Variants in STPG2 observed in about 807,000 individuals in gnomAD.
The protein encoded by STPG2 is sperm tail PG-rich repeat containing 2.
In STPG2, 56 loss-of-function variants were observed where a neutral mutation model predicts 54.2. The observed-to-expected ratio is 1.03, with a 90% CI of 0.83 to 1.29. The LOEUF (loss-of-function observed/expected upper bound fraction) is 1.29, where lower values mean the gene tolerates loss of function less well. STPG2 is among the 50% of genes most tolerant of loss of function. The probability of loss-of-function intolerance (pLI) is 0.00; values close to 1 mark genes in which losing one functional copy is unlikely to be tolerated. For missense variants in STPG2, 596 were observed against 544.9 expected (o/e 1.09, Z -0.93); for synonymous variants, 200 against 181.8 (o/e 1.10, Z -0.81).
intron 8 of STPG2, among the ~76,000 whole-genome samples, chr4:97,924,567 C>T (rs1031801832): frequency 1.3e-5 from 2 of 152,134 alleles, no homozygotes; most frequent in African/African-American, 4.8e-5. Context: ...CAGCCTTCTT[C>T]ATTAGGGGAG....
intron 9 of STPG2, among the ~76,000 whole-genome samples, chr4:97,826,214 T>C (rs972047944): frequency 3.9e-5 from 6 of 152,200 alleles, no homozygotes; most frequent in African/African-American, 1.4e-4. Flanking sequence ...TTGAGACTAC[T>C]AAGAAAACAG....
chr4:97,442,110 T>C (rs1486595792), intron 4 of STPG2, among the ~76,000 whole-genome samples: 1 of 152,036 alleles, frequency 6.6e-6, no homozygotes, highest in African/African-American at 2.4e-5. Context: ...TTTATGTTGA[T>C]GTCCATTATG....
At chr4:98,097,011 T>C (rs1358409765) in intron 5 of STPG2, among the ~76,000 whole-genome samples, 1 of 152,138 alleles carries the variant, frequency 6.6e-6, no homozygotes, top group East Asian at 1.9e-4. Context: ...GCCTGGGACG[T>C]GATGGCTTCA....
At chr4:97,457,514 C>T (rs899003326) in intron 4 of STPG2, among the ~76,000 whole-genome samples, 1 of 152,170 alleles carries the variant, frequency 6.6e-6, no homozygotes, top group Non-Finnish European at 1.5e-5. Flanking sequence ...GTCATGCTTC[C>T]ATGAACACCT....
chr4:98,083,958 ATCC>A (rs1330309270), intron 5 of STPG2, among the ~76,000 whole-genome samples: 1 of 152,016 alleles, frequency 6.6e-6, no homozygotes, highest in Non-Finnish European at 1.5e-5. Context: ...GGCTCGAGCA[ATCC>A]TCCTATCTCA....
At chr4:97,950,959 A>G (rs575977678) in intron 7 of STPG2, among the ~76,000 whole-genome samples, 7 of 152,094 alleles carry the variant, frequency 4.6e-5, no homozygotes, top group Non-Finnish European at 1.0e-4. Flanking sequence ...GCTCCTGGGG[A>G]CAATATCACT....
intron 6 of STPG2, 150 bp downstream of exon 6, chr4:97,981,009 G>A (rs1000719929): frequency 7.6e-6 from 5 of 660,356 alleles, no homozygotes; most frequent in African/African-American, 3.7e-5. Context: ...TGTGTTTAAT[G>A]TATAGTGAAT....
downstream of STPG2, among the ~76,000 whole-genome samples, chr4:97,554,289 T>C (rs886930845): frequency 6.6e-6 from 1 of 152,174 alleles, no homozygotes; most frequent in African/African-American, 2.4e-5. Flanking sequence ...TACTCTCCCC[T>C]TGACAGCTAG....
intron 10 of STPG2, among the ~76,000 whole-genome samples, chr4:97,691,683 A>G (rs1463197215): frequency 6.6e-6 from 1 of 152,098 alleles, no homozygotes; most frequent in Non-Finnish European, 1.5e-5. Flanking sequence ...AATCCTCCCT[A>G]TACAACCAAA....
At chr4:97,768,331 A>T (rs1388665660) in intron 9 of STPG2, among the ~76,000 whole-genome samples, 1 of 152,052 alleles carries the variant, frequency 6.6e-6, no homozygotes, top group African/African-American at 2.4e-5. Flanking sequence ...AGAAAAGGAG[A>T]CTTTATTTTT....
chr4:97,548,035 A>C (rs1043478623), intron 4 of STPG2, among the ~76,000 whole-genome samples: 1 of 152,180 alleles, frequency 6.6e-6, no homozygotes, highest in African/African-American at 2.4e-5. Context: ...CTGTAATCCC[A>C]GCTACTCGGG....
At chr4:98,118,816 A>G (rs2865949) in intron 3 of STPG2, among the ~76,000 whole-genome samples, 60,072 of 151,930 alleles carry the variant, frequency 0.4, 12,127 homozygotes, top group Middle Eastern at 0.46. Flanking sequence ...AAGGACACAA[A>G]AAGTGGCTTA....
At chr4:98,019,477 T>C (rs1322366247) in intron 5 of STPG2, among the ~76,000 whole-genome samples, 1 of 152,016 alleles carries the variant, frequency 6.6e-6, no homozygotes, top group South Asian at 2.1e-4. Flanking sequence ...TTCTTTTGGC[T>C]TAGGATTGAC....
intron 5 of STPG2, among the ~76,000 whole-genome samples, chr4:98,090,735 C>CT (rs1235031466): frequency 6.6e-6 from 1 of 151,830 alleles, no homozygotes; most frequent in Non-Finnish European, 1.5e-5. Flanking sequence ...AATCCTGACA[C>CT]TTTCAATCCT....
chr4:98,023,748 C>A (rs1483440887), intron 5 of STPG2, among the ~76,000 whole-genome samples: 1 of 152,154 alleles, frequency 6.6e-6, no homozygotes, highest in Non-Finnish European at 1.5e-5. Context: ...CACCCCTCCC[C>A]CAGCCTTGCT....
At chr4:97,714,283 C>T (rs1362204721) in intron 9 of STPG2, among the ~76,000 whole-genome samples, 1 of 152,018 alleles carries the variant, frequency 6.6e-6, no homozygotes, top group Non-Finnish European at 1.5e-5. Flanking sequence ...ATGTTTTTAG[C>T]TTCATTAATA....
intron 4 of STPG2, among the ~76,000 whole-genome samples, chr4:97,480,370 G>C (rs1242690801): frequency 6.6e-6 from 1 of 151,484 alleles, no homozygotes; most frequent in South Asian, 2.1e-4. Context: ...CTTCAGTGAT[G>C]AATTTTATCA....
intron 4 of STPG2, among the ~76,000 whole-genome samples, chr4:97,443,704 C>T (rs1004115594): frequency 3.3e-5 from 5 of 152,008 alleles, no homozygotes; most frequent in Non-Finnish European, 7.4e-5. Flanking sequence ...TTTAAGGTAC[C>T]TGAGAAAAAT....
rs571243448 is a variant in STPG2, at chr4:97,616,987, A to G, written c.1321-57870T>C. On this transcript the variant is annotated intron_variant, in intron 10 of 10. Transcript: ENST00000295268. ...CTATCAAATTTTCTCAAATTCTAAA[A>G]ATGCATGCCACTGTATATTGTCCCA... Among the ~76,000 whole-genome samples the G allele has an allele frequency of 1.3e-4, 20 of 152,268 alleles. No individual in the cohort carries two copies. In the East Asian group the frequency reaches 3.9e-3, roughly 29 times the overall value.
Sources: allele counts gnomAD v4.1 joint callset (sites outside exome capture counted in the v4.1 genomes callset), GRCh38; gene constraint gnomAD v4.1.1; transcripts MANE v1.5; gene names NCBI Gene and HGNC (gene_info 2026-07-23, HGNC 2026-07-21).